Variants in ST8SIA1 observed in about 807,000 individuals in gnomAD.
ST8SIA1 encodes the protein alpha-N-acetylneuraminide alpha-2,8-sialyltransferase.
Under a neutral mutation model 35.9 loss-of-function variants are expected in ST8SIA1, and 16 were observed. That is an observed-to-expected ratio of 0.45 (90% confidence interval 0.30 to 0.68). ST8SIA1 has a LOEUF of 0.68. Ranked by LOEUF, ST8SIA1 falls within the 30% of genes least tolerant of loss-of-function variation. The probability of loss-of-function intolerance (pLI) is 0.09; values close to 1 mark genes in which losing one functional copy is unlikely to be tolerated. For missense variants in ST8SIA1, 383 were observed against 453.6 expected (o/e 0.84, Z 1.41); for synonymous variants, 170 against 169.6 (o/e 1.00, Z -0.02).
rs76770113 is a variant in ST8SIA1 at position 22,298,971 on chromosome 12, G to A, written c.237-11678C>T. Among the ~76,000 whole-genome samples the A allele has an allele frequency of 4.9e-4, 74 of 152,136 alleles. No individual in the cohort carries two copies. The East Asian group carries it at 0.01, about 21-fold the overall frequency. On this transcript the variant is annotated intron_variant, in intron 1 of 4. Transcript: ENST00000396037. ...AATAAAGGATATTACAAATGTAGAC[G>A]GAATGAATCATTTGACAAGGAGTGA...
At chr12:22,326,060 AT>A (rs59931429) in intron 1 of ST8SIA1, 155,530 of 476,230 alleles carry the variant, frequency 0.33, 28,354 homozygotes, top group Middle Eastern at 0.44. Flanking sequence ...TCCATTTAAT[AT>A]TTTTGGACCA....
At chr12:22,322,755 A>T (rs1425763306) in intron 1 of ST8SIA1, among the ~76,000 whole-genome samples, 1 of 152,136 alleles carries the variant, frequency 6.6e-6, no homozygotes, top group Non-Finnish European at 1.5e-5. Flanking sequence ...GACCCAACAA[A>T]ATATCATCAT....
intron 2 of ST8SIA1, among the ~76,000 whole-genome samples, chr12:22,266,422 G>A (rs1591839116): frequency 6.6e-6 from 1 of 151,702 alleles, no homozygotes; most frequent in Non-Finnish European, 1.5e-5. Context: ...TGTTGCTACT[G>A]TTATTTTCTT....
In ST8SIA1 at chr12:22,248,766, C is replaced by A. The variant is rs115586814; in HGVS notation, c.584+240G>T. 488 of 434,652 alleles carry A rather than the reference C, an allele frequency of 1.1e-3. 3 individuals are homozygous for A. Among genetic ancestry groups the A allele is most frequent in the African/African-American group, 8.9e-3 (444 of 50,074 alleles). 26.9% of individuals were successfully genotyped at this position (434,652 alleles called of 1,614,324 possible). A position where few individuals can be genotyped will look rare whatever the true frequency, so the allele number is the denominator to read the frequency against. On this transcript the variant is annotated intron_variant, in intron 4 of 4. Transcript: ENST00000396037. ...CTGTTCTTTGAGCAAAACAATTGAT[C>A]TTCTTGTTATTTCTATCATCTCTAA...
intron 4 of ST8SIA1, among the ~76,000 whole-genome samples, chr12:22,224,879 G>A (rs369567130): frequency 3.9e-5 from 6 of 152,148 alleles, no homozygotes; most frequent in African/African-American, 1.4e-4. Flanking sequence ...TTAGAAACAG[G>A]ATCTTTGTAG....
At chr12:22,289,884 T>G (rs1306812925) in intron 1 of ST8SIA1, among the ~76,000 whole-genome samples, 1 of 152,262 alleles carries the variant, frequency 6.6e-6, no homozygotes, top group Non-Finnish European at 1.5e-5. Context: ...GGTTACATTA[T>G]TCTGAATTTA....
intron 2 of ST8SIA1, among the ~76,000 whole-genome samples, chr12:22,256,612 A>G (rs1865730901): frequency 6.6e-6 from 1 of 152,358 alleles, no homozygotes; most frequent in South Asian, 2.1e-4. Context: ...GGAAGTAGTT[A>G]AACCAGAAAT....
intron 4 of ST8SIA1, among the ~76,000 whole-genome samples, chr12:22,213,709 A>AGGAAG (rs1260873362): frequency 2.0e-5 from 3 of 152,198 alleles, no homozygotes; most frequent in African/African-American, 7.2e-5. Context: ...GACAGAAAAA[A>AGGAAG]GGAAGGATCT....
At chr12:22,326,090 G>A (rs999692588) in intron 1 of ST8SIA1, 11 of 470,068 alleles carry the variant, frequency 2.3e-5, no homozygotes, top group African/African-American at 2.0e-4. Context: ...ATAGACAACT[G>A]AAGCCATGGA....
intron 1 of ST8SIA1, among the ~76,000 whole-genome samples, chr12:22,291,410 A>G (rs1866174808): frequency 6.6e-6 from 1 of 152,208 alleles, no homozygotes; most frequent in South Asian, 2.1e-4. Flanking sequence ...GTGGGCAAGA[A>G]TTTACCTCAG....
chr12:22,209,990 G>T (rs1865160162), intron 4 of ST8SIA1, among the ~76,000 whole-genome samples: 1 of 152,166 alleles, frequency 6.6e-6, no homozygotes, highest in Non-Finnish European at 1.5e-5. Context: ...AAATATCCAT[G>T]AATGTCTGCT....
intron 1 of ST8SIA1, among the ~76,000 whole-genome samples, chr12:22,315,281 T>C (rs2135835892): frequency 6.6e-6 from 1 of 152,320 alleles, no homozygotes; most frequent in African/African-American, 2.4e-5. Flanking sequence ...CTGTCATTTT[T>C]CCTACTCCTT....
intron 4 of ST8SIA1, among the ~76,000 whole-genome samples, chr12:22,237,013 G>A (rs1228053015): frequency 6.6e-6 from 1 of 152,126 alleles, no homozygotes; most frequent in Non-Finnish European, 1.5e-5. Context: ...CACAAAATCA[G>A]GGCTTTATTC....
intron 1 of ST8SIA1, among the ~76,000 whole-genome samples, chr12:22,311,556 T>C (rs1235941665): frequency 3.3e-5 from 5 of 152,202 alleles, no homozygotes; most frequent in Non-Finnish European, 5.9e-5. Flanking sequence ...TTATTTTAAT[T>C]AGTGGTCTTT....
intron 2 of ST8SIA1, among the ~76,000 whole-genome samples, chr12:22,280,416 T>C (rs1866019039): frequency 6.6e-6 from 1 of 152,144 alleles, no homozygotes; most frequent in South Asian, 2.1e-4. Context: ...AGAAAAGCTA[T>C]CACTCCCGTC....
intron 1 of ST8SIA1, among the ~76,000 whole-genome samples, chr12:22,306,375 C>A (rs917364465): frequency 2.0e-5 from 3 of 151,952 alleles, no homozygotes; most frequent in Non-Finnish European, 4.4e-5. Context: ...TTTTAGTATG[C>A]CCTCATTTTG....
At position 22,230,290 on chromosome 12, in the gene ST8SIA1, T is replaced by C. The variant is rs572366421; in HGVS notation, c.584+18716A>G. On this transcript the variant is annotated intron_variant, in intron 4 of 4. Coordinates refer to ENST00000396037, the MANE Select transcript of ST8SIA1 (RefSeq NM_003034.4). ...ATTTGTTGCCATGACATGTAAACCA[T>C]GAAAAAGGCAACCTTCTAAGAGCCT... Among the ~76,000 whole-genome samples the C allele has an allele frequency of 8.3e-4, 127 of 152,240 alleles. 2 individuals are homozygous for C. Among genetic ancestry groups the C allele is most frequent in the African/African-American group, 2.9e-3 (122 of 41,548 alleles).
At chr12:22,295,833 C>T (rs926984739) in intron 1 of ST8SIA1, among the ~76,000 whole-genome samples, 3 of 152,152 alleles carry the variant, frequency 2.0e-5, no homozygotes, top group East Asian at 3.9e-4. Flanking sequence ...TAAAGGAAGA[C>T]GATTTATTTT....
Position 22,201,961 on chromosome 12 carries a change from G to A in ST8SIA1, c.662C>T (p.Pro221Leu). 1 of 1,613,970 alleles carries A rather than the reference G, an allele frequency of 6.2e-7. No homozygotes were observed. The highest frequency in any genetic ancestry group is 8.5e-7 in the Non-Finnish European group (1 of 1,179,920). Residue 221 changes from proline to leucine, a missense_variant, in exon 5 of 5, where the codon CCT becomes CTT. By Grantham distance (98) the Pro-to-Leu change is moderately conservative (BLOSUM62 -3). Transcript: ENST00000396037. ...TGTTCCTGTCTTCATAGAAAAGGCA[G>A]GCATGTAGATGTAACTGTGGTTATA... The part of the protein sequence containing the change: ...KIYNHSYIYM[P>L]AFSMKTGTEP...
Sources: gnomAD v4.1 joint callset for allele counts (sites outside exome capture counted in the v4.1 genomes callset) on GRCh38, gnomAD v4.1.1 for gene constraint, MANE v1.5 for transcripts, NCBI Gene and HGNC (gene_info 2026-07-23, HGNC 2026-07-21) for gene names.